Variants in VWA3B observed in about 807,000 individuals in gnomAD.
VWA3B encodes the protein von Willebrand factor A domain containing 3B, also known as von Willebrand factor A domain-containing protein 3B.
A neutral mutation model predicts 158.3 loss-of-function variants in VWA3B; 138 were observed. The observed-to-expected ratio is 0.87, with a 90% confidence interval of 0.76 to 1.00. The LOEUF is 1.00. Among genes scored for constraint, VWA3B ranks in the 50% least tolerant of loss-of-function variants. The probability of loss-of-function intolerance (pLI) is 0.00; values close to 1 mark genes in which losing one functional copy is unlikely to be tolerated. For synonymous variants in VWA3B, 596 were observed against 587.3 expected (o/e 1.01, Z -0.21); for missense variants, 1,555 against 1,565.1 (o/e 0.99, Z 0.11).
chr2:98,323,929 G>A, the VWA3B span, among the ~76,000 whole-genome samples: 7 of 152,298 alleles, frequency 4.6e-5, no homozygotes, highest in African/African-American at 1.4e-4. Flanking sequence ...CTGATGTGGT[G>A]AGCATCCTGT....
chr2:98,144,279 A>G (rs1677004794), intron 7 of VWA3B, among the ~76,000 whole-genome samples: 1 of 152,158 alleles, frequency 6.6e-6, no homozygotes, highest in South Asian at 2.1e-4. Flanking sequence ...TTATTGTCAT[A>G]ACCATCATCA....
chr2:98,266,851 T>G (rs1366421100), intron 21 of VWA3B, among the ~76,000 whole-genome samples: 1 of 148,500 alleles, frequency 6.7e-6, no homozygotes, highest in Non-Finnish European at 1.5e-5. Context: ...TCTGTTTGTC[T>G]GTTATTGGTG....
At chr2:98,187,800 A>T (rs1681229418) in intron 9 of VWA3B, among the ~76,000 whole-genome samples, 175 bp from the exon 10 acceptor site, 1 of 151,982 alleles carries the variant, frequency 6.6e-6, no homozygotes, top group Non-Finnish European at 1.5e-5. Flanking sequence ...CATCTAGTGC[A>T]GGGCTCCATA....
chr2:98,107,936 T>A (rs1483559927), intron 2 of VWA3B, among the ~76,000 whole-genome samples: 1 of 151,972 alleles, frequency 6.6e-6, no homozygotes, highest in Non-Finnish European at 1.5e-5. Context: ...TTTTTCTAAT[T>A]TCTTCAGTTG....
chr2:98,118,127 G>A lies in VWA3B; in HGVS notation c.292-1386G>A, dbSNP rs557436129. 7.9e-5 allele frequency among the ~76,000 whole-genome samples: 12 copies of A among 152,218 alleles called. No individual in the cohort carries two copies. In the East Asian group the frequency reaches 1.9e-3, roughly 24 times the overall value. ...GATGTGCTAAGTATATTTTTTATCT[G>A]AACCACATTAAAATCAATGCAAAAC... On this transcript the variant is annotated intron_variant, in intron 3 of 27. Transcript: ENST00000477737.
intron 23 of VWA3B, chr2:98,290,824 G>GA (rs1689451086): frequency 2.1e-6 from 1 of 476,444 alleles, no homozygotes. Flanking sequence ...AAAGTAGCCA[G>GA]AAAAATGCAC....
intron 19 of VWA3B, among the ~76,000 whole-genome samples, chr2:98,244,188 A>G (rs1355855079): frequency 6.6e-6 from 1 of 152,178 alleles, no homozygotes; most frequent in Non-Finnish European, 1.5e-5. Flanking sequence ...CCATTTTGGG[A>G]TGAATTTTAG....
In VWA3B at chr2:98,234,747, G is replaced by T. The variant is rs1320430949; in HGVS notation, c.2408G>T (p.Arg803Met). Residue 803 changes from arginine (R) to methionine (M), a missense_variant, in exon 17 of 28, where the codon AGG (arginine) becomes ATG (methionine). Coordinates refer to ENST00000477737, the MANE Select transcript of VWA3B (RefSeq NM_144992.5). ...GGCCTCTCCAATGCCAGCAGCCGGA[G>T]GACTGCTCTAAGTGACAAAGGCAAG... ...KDGLSNASSR[R>M]TALSDKEMSI... is the part of the protein sequence containing the mutation. The T allele has an allele frequency of 1.9e-6, 3 of 1,614,052 alleles. No individual in the cohort carries two copies. The highest frequency in any genetic ancestry group is 2.7e-5 in the African/African-American group (2 of 74,918).
chr2:98,112,281 GGT>G (rs61436618), intron 2 of VWA3B, among the ~76,000 whole-genome samples: 83,156 of 148,118 alleles, frequency 0.56, 25,484 homozygotes, highest in African/African-American at 0.83. Context: ...GTCTGTTTGG[GGT>G]GTGTGTGTGT....
chr2:98,240,241 A>G (rs1391622217), intron 19 of VWA3B, among the ~76,000 whole-genome samples: 1 of 152,154 alleles, frequency 6.6e-6, no homozygotes, highest in African/African-American at 2.4e-5. Flanking sequence ...ATAAGACAAT[A>G]CCATATACAT....
intron 8 of VWA3B, among the ~76,000 whole-genome samples, chr2:98,175,851 G>A (rs1191484460): frequency 6.6e-6 from 1 of 152,126 alleles, no homozygotes; most frequent in Admixed American, 6.5e-5. Flanking sequence ...AATGTTGGTG[G>A]GTTACCATCC....
Position 98,106,491 on chromosome 2 carries a change from C to T in VWA3B, c.197-9161C>T, listed in dbSNP as rs900592366. On this transcript the variant is annotated intron_variant, in intron 2 of 27. Coordinates refer to ENST00000477737, the MANE Select transcript of VWA3B (RefSeq NM_144992.5). The stretch of plus-strand genomic sequence containing the variant: ...AGAATTGACATCTTTACTATGCTGA[C>T]GAAAATGCTGAGTGTTTCAGTTCAC... Among the ~76,000 whole-genome samples, 10 of 152,176 alleles carry T rather than the reference C, an allele frequency of 6.6e-5. No homozygotes were observed. The South Asian group carries it at 8.3e-4, about 13-fold the overall frequency.
intron 9 of VWA3B, among the ~76,000 whole-genome samples, chr2:98,183,408 G>A (rs911047580): frequency 6.6e-6 from 1 of 152,056 alleles, no homozygotes; most frequent in Non-Finnish European, 1.5e-5. Flanking sequence ...CTAGTTTATA[G>A]GAACAGACCC....
chr2:98,200,629 C>A, intron 12 of VWA3B, among the ~76,000 whole-genome samples: 1 of 151,700 alleles, frequency 6.6e-6, no homozygotes, highest in East Asian at 1.9e-4. Context: ...TATTTTCTCC[C>A]AATCTATGGC....
chr2:98,217,340 G>GC (rs1684116881), intron 13 of VWA3B, among the ~76,000 whole-genome samples: 1 of 152,130 alleles, frequency 6.6e-6, no homozygotes, highest in African/African-American at 2.4e-5. Context: ...CAGTGAAGAA[G>GC]CCTCTCTCAG....
chr2:98,247,494 A>C (rs1035915634), intron 19 of VWA3B, among the ~76,000 whole-genome samples: 1 of 152,160 alleles, frequency 6.6e-6, no homozygotes, highest in Non-Finnish European at 1.5e-5. Context: ...TAAATTTTTT[A>C]ACAGTTTCAG....
chr2:98,104,927 T>C (rs981846825), intron 2 of VWA3B, among the ~76,000 whole-genome samples: 9 of 152,214 alleles, frequency 5.9e-5, no homozygotes, highest in Non-Finnish European at 1.2e-4. Flanking sequence ...TCCTCACTCC[T>C]GTCCTTGGTG....
chr2:98,233,832 G>C (rs544091684), intron 16 of VWA3B, among the ~76,000 whole-genome samples: 1 of 152,264 alleles, frequency 6.6e-6, no homozygotes, highest in East Asian at 1.9e-4. Flanking sequence ...CTTGGAACTA[G>C]GTACTTCTAA....
chr2:98,315,335 T>A (rs183079008), downstream of VWA3B, among the ~76,000 whole-genome samples: 286 of 152,280 alleles, frequency 1.9e-3, 1 homozygote, highest in African/African-American at 6.8e-3. Flanking sequence ...ATAGTGATGA[T>A]AATAATAATA....
Sources: allele counts gnomAD v4.1 joint callset (sites outside exome capture counted in the v4.1 genomes callset), GRCh38; gene constraint gnomAD v4.1.1; transcripts MANE v1.5; gene names NCBI Gene and HGNC (gene_info 2026-07-23, HGNC 2026-07-21).